The following VGLL4 variants were observed in gnomAD, a reference collection of about 807,000 sequenced individuals.
VGLL4 encodes transcription cofactor vestigial-like protein 4.
In VGLL4, 7 loss-of-function variants were observed where a neutral mutation model predicts 21.0. That is an observed-to-expected ratio of 0.33 (90% CI 0.19 to 0.63). The LOEUF is 0.63. Ranked by LOEUF, VGLL4 falls within the 20% of genes least tolerant of loss-of-function variation. The pLI is 0.78. For synonymous variants in VGLL4, 222 were observed against 173.2 expected (o/e 1.28, Z -2.21); for missense variants, 394 against 425.7 (o/e 0.93, Z 0.66).
intron 2 of VGLL4, among the ~76,000 whole-genome samples, chr3:11,588,350 C>T (rs2074407216): frequency 6.6e-6 from 1 of 152,194 alleles, no homozygotes; most frequent in Admixed American, 6.5e-5. Context: ...CACCTTGAAG[C>T]AGGAGGAAGT....
chr3:11,601,236 C>G (rs1309559671), intron 2 of VGLL4, among the ~76,000 whole-genome samples: 1 of 152,188 alleles, frequency 6.6e-6, no homozygotes, highest in Non-Finnish European at 1.5e-5. Flanking sequence ...AGAAGGTAGA[C>G]AGTGTCAGTG....
At chr3:11,672,284 A>G (rs2076228151) in intron 2 of VGLL4, among the ~76,000 whole-genome samples, 1 of 152,242 alleles carries the variant, frequency 6.6e-6, no homozygotes, top group South Asian at 2.1e-4. Flanking sequence ...CAATGCAAAA[A>G]TCTTTCAGAC....
At chr3:11,582,415 A>C in intron 2 of VGLL4, 2 of 1,531,590 alleles carry the variant, frequency 1.3e-6, no homozygotes, top group Non-Finnish European at 1.8e-6. Flanking sequence ...TCAGAATAAA[A>C]GTCCTCCCTG....
rs866158596 is a variant in VGLL4, at chr3:11,559,416, G to T, written c.535C>A (p.Arg179Ser). 6.4e-7 allele frequency: 1 copy of T among 1,563,996 alleles called. No individual in the cohort carries two copies. Among genetic ancestry groups the T allele is most frequent in the African/African-American group, 1.4e-5 (1 of 73,996 alleles). Residue 179 changes from arginine to serine, a missense_variant, in exon 4 of 5, where the codon CGC (arginine) becomes AGC (serine). Coordinates refer to ENST00000430365, the MANE Select transcript of VGLL4 (RefSeq NM_001128219.3). The part of the protein sequence containing the change: ...SVITCASAGA[R>S]NCNLSHCPIA... ...GGGCAGTGCGAGAGGTTGCAGTTGC[G>T]GGCGCCAGCCGAGGCACAGGTGATC... is the stretch of plus-strand genomic sequence containing the variant.
chr3:11,566,648 G>C lies in VGLL4; in HGVS notation c.273-1629C>G, dbSNP rs74351154. 4.6e-3 allele frequency among the ~76,000 whole-genome samples: 697 copies of C among 152,256 alleles called. 9 individuals are homozygous for C. Among genetic ancestry groups the C allele is most frequent in the African/African-American group, 0.016 (665 of 41,530 alleles). On this transcript the variant is annotated intron_variant, in intron 2 of 4. Coordinates refer to ENST00000430365, the MANE Select transcript of VGLL4 (RefSeq NM_001128219.3). The stretch of plus-strand genomic sequence containing the variant: ...TAAGATGCGGCCACTCTCTGCCTCT[G>C]TGGCTGTGTACACGCGGTGCCGCTC...
intron 1 of VGLL4, among the ~76,000 whole-genome samples, chr3:11,618,920 T>G (rs915513306): frequency 6.6e-6 from 1 of 152,196 alleles, no homozygotes; most frequent in African/African-American, 2.4e-5. Flanking sequence ...TTTTTACATT[T>G]ACATTACCCA....
Position 11,653,749 on chromosome 3 carries a change from A to T in VGLL4, c.64+49222T>A, listed in dbSNP as rs1450263258. On this transcript the variant is annotated intron_variant, in intron 2 of 5. Transcript: ENST00000273038. This position sits in a 1 kb window ranked among gnomAD's most constrained non-coding sequence, Gnocchi z 4.2. ...TTTATACTCCTACCAGCAGGGTATG[A>T]GATTTCAAGTTGCTCCCCATCCTTG... Among the ~76,000 whole-genome samples the T allele has an allele frequency of 6.6e-6, 1 of 152,212 alleles. No individual in the cohort carries two copies. Among genetic ancestry groups the T allele is most frequent in the Non-Finnish European group, 1.5e-5 (1 of 68,026 alleles).
At chr3:11,590,126 C>T (rs2074452362) in intron 2 of VGLL4, among the ~76,000 whole-genome samples, 1 of 152,206 alleles carries the variant, frequency 6.6e-6, no homozygotes, top group African/African-American at 2.4e-5. Flanking sequence ...ACTTCCGTTT[C>T]CCTTAGAGCA....
At chr3:11,715,741 G>T (rs1030647861) in intron 1 of VGLL4, among the ~76,000 whole-genome samples, 1 of 152,114 alleles carries the variant, frequency 6.6e-6, no homozygotes, top group African/African-American at 2.4e-5. Flanking sequence ...GATTCCTTCC[G>T]GCTTCTGGTC....
At chr3:11,572,096 AG>A (rs547882434) in intron 2 of VGLL4, among the ~76,000 whole-genome samples, 3 of 152,168 alleles carry the variant, frequency 2.0e-5, no homozygotes, top group South Asian at 4.1e-4. Flanking sequence ...TGACAGAGTG[AG>A]ACCCTGTCTC....
chr3:11,573,917 A>G (rs1575399348), intron 2 of VGLL4, among the ~76,000 whole-genome samples: 1 of 152,328 alleles, frequency 6.6e-6, no homozygotes, highest in Non-Finnish European at 1.5e-5. Context: ...CTGGTGTCCT[A>G]TTAGAAAACA....
At chr3:11,623,861 C>T (rs753975954) in intron 1 of VGLL4, among the ~76,000 whole-genome samples, 3 of 151,974 alleles carry the variant, frequency 2.0e-5, no homozygotes, top group Non-Finnish European at 4.4e-5. Context: ...CCACCTCAAC[C>T]TCCCGAGCAG....
chr3:11,656,539 A>G (rs1326204111), intron 2 of VGLL4, among the ~76,000 whole-genome samples: 1 of 152,172 alleles, frequency 6.6e-6, no homozygotes, highest in Admixed American at 6.5e-5. Flanking sequence ...CTAAGCCCTC[A>G]ACGTATCTGT....
intron 1 of VGLL4, among the ~76,000 whole-genome samples, chr3:11,614,569 G>A (rs755001407): frequency 6.6e-6 from 1 of 152,236 alleles, no homozygotes; most frequent in Non-Finnish European, 1.5e-5. Flanking sequence ...AGGTAGCTGG[G>A]ACGAGACACA....
intron 1 of VGLL4, among the ~76,000 whole-genome samples, chr3:11,710,165 C>T (rs1053156468): frequency 5.3e-5 from 8 of 152,224 alleles, no homozygotes; most frequent in African/African-American, 1.9e-4. Context: ...TGAGGGATCG[C>T]TCCCATGATC....
rs145043655 is a variant in VGLL4 at position 11,656,691 on chromosome 3, G to A, written c.64+46280C>T. Among the ~76,000 whole-genome samples, 31 of 152,296 alleles carry A rather than the reference G, an allele frequency of 2.0e-4. No individual in the cohort carries two copies. In the East Asian group the frequency reaches 4.6e-3, roughly 23 times the overall value. On this transcript the variant is annotated intron_variant, in intron 2 of 5. Coordinates refer to the VGLL4 transcript ENST00000273038. ...CTCACCACAGCAAAGCAGGCCACTC[G>A]CATAGCAAGCCAGGTAAGCACTGGG...
chr3:11,684,730 CTGTGTGTGTGTG>C (rs61220485), intron 2 of VGLL4, among the ~76,000 whole-genome samples: 1 of 148,674 alleles, frequency 6.7e-6, no homozygotes, highest in Admixed American at 6.7e-5. Flanking sequence ...CAACCTTTTT[CTGTGTGTGTGTG>C]TGTGTGTGTG....
chr3:11,593,414 C>A (rs537731585), intron 2 of VGLL4, among the ~76,000 whole-genome samples: 1 of 152,206 alleles, frequency 6.6e-6, no homozygotes, highest in Non-Finnish European at 1.5e-5. Flanking sequence ...TCATCAATTT[C>A]TTCTTCTTAC....
chr3:11,688,612 C>A (rs2125389551), intron 2 of VGLL4, among the ~76,000 whole-genome samples: 1 of 152,108 alleles, frequency 6.6e-6, no homozygotes, highest in African/African-American at 2.4e-5. Flanking sequence ...TGTTCTTTTT[C>A]TTAATGAATT....
Sources: allele counts gnomAD v4.1 joint callset (sites outside exome capture counted in the v4.1 genomes callset), GRCh38; gene constraint gnomAD v4.1.1; non-coding constraint Gnocchi (gnomAD v3.1); transcripts MANE v1.5; gene names NCBI Gene and HGNC (gene_info 2026-07-23, HGNC 2026-07-21).